CNTLN: variants seen among roughly 807,000 people sequenced by gnomAD.
The protein encoded by CNTLN is centlein, centrosomal protein.
In CNTLN, 212 loss-of-function variants were observed where a neutral mutation model predicts 180.0. The ratio of observed to expected loss-of-function variants is 1.18; its 90% confidence interval spans 1.05 to 1.32. The LOEUF is 1.32. CNTLN is among the 40% of genes most tolerant of loss of function. CNTLN has a pLI of 0.00. For synonymous variants in CNTLN, 722 were observed against 563.1 expected, an observed-to-expected ratio of 1.28 and a Z score of -3.99; for missense variants, 2,095 against 1,610.9, an observed-to-expected ratio of 1.30 and a Z score of -5.14.
At chr9:17,243,616 A>G (rs1304153408) in intron 5 of CNTLN, among the ~76,000 whole-genome samples, 1 of 152,116 alleles carries the variant, frequency 6.6e-6, no homozygotes, top group African/African-American at 2.4e-5. Flanking sequence ...GTGATGTGTC[A>G]TTTCCAAAAT....
At chr9:17,278,689 A>G (rs760377070) in intron 6 of CNTLN, among the ~76,000 whole-genome samples, 1 of 152,152 alleles carries the variant, frequency 6.6e-6, no homozygotes, top group Non-Finnish European at 1.5e-5. Flanking sequence ...TGCTATAGTT[A>G]TTTTGGTATA....
chr9:17,327,489 CTTTTT>C (rs35237954), intron 8 of CNTLN, among the ~76,000 whole-genome samples: 27 of 133,610 alleles, frequency 2.0e-4, no homozygotes, highest in Non-Finnish European at 3.4e-4. Context: ...CAGCTGTTTC[CTTTTT>C]TTTTTTTTTT....
At chr9:17,466,950 C>A in intron 23 of CNTLN, 59 bp downstream of exon 23, 1 of 1,208,686 alleles carries the variant, frequency 8.3e-7, no homozygotes, top group Admixed American at 2.2e-5. Flanking sequence ...AGGCAGTAGC[C>A]TACTTGAGAT....
In CNTLN at chr9:17,196,373, A is replaced by T. The variant is rs558696021; in HGVS notation, c.450-29830A>T. 3.3e-5 allele frequency among the ~76,000 whole-genome samples: 5 copies of T among 152,156 alleles called. No homozygotes were observed. The East Asian group carries it at 9.6e-4, about 29-fold the overall frequency. On this transcript the variant is annotated intron_variant, in intron 2 of 25. Coordinates refer to ENST00000380647, the MANE Select transcript of CNTLN (RefSeq NM_017738.4). The stretch of plus-strand genomic sequence containing the variant: ...TATTTCTGATTTCCTTATTCTTTAG[A>T]CCTCAGTTTTCACATCTTTAAAAGG...
chr9:17,151,803 G>C (rs912708718), intron 2 of CNTLN, among the ~76,000 whole-genome samples: 1 of 152,020 alleles, frequency 6.6e-6, no homozygotes, highest in Non-Finnish European at 1.5e-5. Flanking sequence ...ACTTTTTTTG[G>C]TTGGTAGGCT....
At chr9:17,277,403 A>T (rs550235952) in intron 6 of CNTLN, among the ~76,000 whole-genome samples, 1 of 152,104 alleles carries the variant, frequency 6.6e-6, no homozygotes, top group South Asian at 2.1e-4. Flanking sequence ...GGATTAATAC[A>T]TCTGGATTGC....
chr9:17,247,112 A>C (rs1321007381), intron 5 of CNTLN, among the ~76,000 whole-genome samples: 1 of 152,128 alleles, frequency 6.6e-6, no homozygotes, highest in Non-Finnish European at 1.5e-5. Flanking sequence ...GGGTGATACA[A>C]GTATTCCCTG....
At chr9:17,478,361 G>A (rs544317104) in intron 23 of CNTLN, among the ~76,000 whole-genome samples, 60 of 152,100 alleles carry the variant, frequency 3.9e-4, no homozygotes, top group African/African-American at 1.4e-3. Context: ...CATTGTGTAG[G>A]TTGCCTGTTC....
intron 6 of CNTLN, among the ~76,000 whole-genome samples, chr9:17,276,214 C>G (rs1828303405): frequency 6.6e-6 from 1 of 152,002 alleles, no homozygotes; most frequent in Admixed American, 6.6e-5. Context: ...AGTGGACTTT[C>G]TCTTGAATCC....
At chr9:17,363,009 G>C (rs535608043) in intron 12 of CNTLN, among the ~76,000 whole-genome samples, 2 of 152,178 alleles carry the variant, frequency 1.3e-5, no homozygotes, top group East Asian at 3.9e-4. Context: ...TGTTTTGTTA[G>C]TTTGCTGAGA....
intron 25 of CNTLN, among the ~76,000 whole-genome samples, chr9:17,490,935 A>G (rs1833129187): frequency 6.6e-6 from 1 of 152,060 alleles, no homozygotes; most frequent in Non-Finnish European, 1.5e-5. Context: ...AAATATTTTT[A>G]TTTCAAACTC....
intron 14 of CNTLN, among the ~76,000 whole-genome samples, chr9:17,389,525 C>G (rs908502080): frequency 1.1e-4 from 17 of 152,012 alleles, no homozygotes; most frequent in Non-Finnish European, 2.1e-4. Flanking sequence ...CATTTTAAGA[C>G]CTGAACAACC....
chr9:17,372,761 A>C (rs1290172543), intron 13 of CNTLN, among the ~76,000 whole-genome samples: 2 of 152,188 alleles, frequency 1.3e-5, no homozygotes, highest in South Asian at 4.1e-4. Flanking sequence ...TCAACAACAC[A>C]TTAAAAAATT....
chr9:17,459,831 T>G (rs1042599897), intron 19 of CNTLN, among the ~76,000 whole-genome samples: 1 of 151,670 alleles, frequency 6.6e-6, no homozygotes, highest in Non-Finnish European at 1.5e-5. Flanking sequence ...CCTAATAACC[T>G]CATTTTACCT....
chr9:17,317,130 A>T (rs1281753383), intron 8 of CNTLN, among the ~76,000 whole-genome samples: 3 of 151,774 alleles, frequency 2.0e-5, no homozygotes, highest in African/African-American at 7.3e-5. Flanking sequence ...TAATTTTATT[A>T]TTGTTCCTTT....
intron 1 of CNTLN, among the ~76,000 whole-genome samples, chr9:17,140,382 G>T (rs1224778626): frequency 6.6e-6 from 1 of 152,134 alleles, no homozygotes; most frequent in East Asian, 1.9e-4. Flanking sequence ...AAATTACTAA[G>T]AGAATAGATT....
intron 6 of CNTLN, among the ~76,000 whole-genome samples, chr9:17,297,393 T>A (rs755445532): frequency 8.5e-5 from 13 of 152,212 alleles, no homozygotes; most frequent in Non-Finnish European, 1.9e-4. Flanking sequence ...TATATTTTGA[T>A]GTAATAGTGC....
At chr9:17,260,078 T>A (rs1435427409) in intron 5 of CNTLN, among the ~76,000 whole-genome samples, 4 of 145,426 alleles carry the variant, frequency 2.8e-5, no homozygotes, top group African/African-American at 8.1e-5. Context: ...AGGGTGTCAA[T>A]TTTGGATCTT....
rs775791244 is a variant in CNTLN, at chr9:17,340,940, C to T, written c.1758C>T (p.Gly586=). The change falls in exon 11 of 26, where the codon GGC becomes GGT. Residue 586 remains glycine (G), a synonymous_variant. Transcript: ENST00000380647. ...AGCAATTAAAACAGTGGGAAGAAGGCAGTGGCATGTGAGTTACATAGCTCA... is the reference window on the plus strand; with the variant it reads ...AGCAATTAAAACAGTGGGAAGAAGGTAGTGGCATGTGAGTTACATAGCTCA... ...VKEQLKQWEE[G]SGMTEIRKIK... The T allele has an allele frequency of 1.2e-6, 2 of 1,608,268 alleles. No individual in the cohort carries two copies. Among genetic ancestry groups the T allele is most frequent in the Non-Finnish European group, 1.7e-6 (2 of 1,177,182 alleles).
Sources: gnomAD v4.1 joint callset for allele counts (sites outside exome capture counted in the v4.1 genomes callset) on GRCh38, gnomAD v4.1.1 for gene constraint, MANE v1.5 for transcripts, NCBI Gene and HGNC (gene_info 2026-07-23, HGNC 2026-07-21) for gene names.